The following FRMD6 variants were observed in gnomAD, a reference collection of about 807,000 sequenced individuals.
FRMD6 encodes the protein FERM domain containing 6.
Under a neutral mutation model 73.2 loss-of-function variants are expected in FRMD6, and 37 were observed. That is an observed-to-expected ratio of 0.51 (90% confidence interval 0.39 to 0.66). FRMD6 has a LOEUF of 0.66. Ranked by LOEUF, FRMD6 falls within the 30% of genes least tolerant of loss-of-function variation. FRMD6 has a pLI of 0.00. For synonymous variants in FRMD6, 273 were observed against 282.2 expected (o/e 0.97, Z 0.33); for missense variants, 714 against 780.5 (o/e 0.91, Z 1.02).
the FRMD6 span, among the ~76,000 whole-genome samples, chr14:51,402,273 A>G: frequency 6.6e-6 from 1 of 152,204 alleles, no homozygotes; most frequent in Non-Finnish European, 1.5e-5. Context: ...AAGGTCAGAG[A>G]GACTATCTCT....
the FRMD6 span, among the ~76,000 whole-genome samples, chr14:51,478,848 A>G: frequency 1.3e-5 from 2 of 152,214 alleles, no homozygotes; most frequent in Non-Finnish European, 2.9e-5. Context: ...CCTCCTTTGC[A>G]TTGACAGTTA....
At chr14:51,634,956 GCT>G (rs1197269600) in intron 2 of FRMD6, among the ~76,000 whole-genome samples, 1 of 152,176 alleles carries the variant, frequency 6.6e-6, no homozygotes, top group Non-Finnish European at 1.5e-5. Flanking sequence ...TGGTTGTTAA[GCT>G]GCTGCTTTTT....
intron 1 of FRMD6, among the ~76,000 whole-genome samples, chr14:51,669,838 A>C (rs989394677): frequency 4.6e-5 from 7 of 152,154 alleles, no homozygotes; most frequent in African/African-American, 1.7e-4. Context: ...TTCAGAGGGC[A>C]AAATTAAAAA....
chr14:51,476,159 C>G, the FRMD6 span, among the ~76,000 whole-genome samples: 4 of 152,180 alleles, frequency 2.6e-5, no homozygotes, highest in African/African-American at 9.7e-5. Context: ...CATTCGGAGA[C>G]TCTGGCTCCC....
At chr14:51,517,252 G>T in intron 1 of FRMD6, among the ~76,000 whole-genome samples, 1 of 152,136 alleles carries the variant, frequency 6.6e-6, no homozygotes, top group East Asian at 1.9e-4. Flanking sequence ...AATCCGGTTT[G>T]GTTATTTCCA....
At chr14:51,412,851 A>G in the FRMD6 span, among the ~76,000 whole-genome samples, 1 of 151,700 alleles carries the variant, frequency 6.6e-6, no homozygotes, top group African/African-American at 2.4e-5. Flanking sequence ...GATTCTGTCT[A>G]AAAAAATAAA....
intron 2 of FRMD6, among the ~76,000 whole-genome samples, chr14:51,599,472 A>C (rs568321287): frequency 1.4e-4 from 21 of 152,364 alleles, no homozygotes; most frequent in African/African-American, 4.8e-4. Context: ...CAATTGCAAC[A>C]AAAACAAAAA....
At chr14:51,509,351 A>T (rs1350175371) in intron 1 of FRMD6, among the ~76,000 whole-genome samples, 1 of 152,034 alleles carries the variant, frequency 6.6e-6, no homozygotes, top group African/African-American at 2.4e-5. Flanking sequence ...GTGAAACCCC[A>T]TCTGTACTAA....
chr14:51,438,438 G>A, the FRMD6 span, among the ~76,000 whole-genome samples: 4 of 152,212 alleles, frequency 2.6e-5, no homozygotes, highest in South Asian at 2.1e-4. Context: ...AACTAAATGT[G>A]TACACAAAGG....
the FRMD6 span, among the ~76,000 whole-genome samples, chr14:51,400,992 C>A: frequency 6.6e-6 from 1 of 152,134 alleles, no homozygotes; most frequent in Non-Finnish European, 1.5e-5. Flanking sequence ...ATAATTATTC[C>A]TAGAATTGGA....
the FRMD6 span, among the ~76,000 whole-genome samples, chr14:51,447,749 C>T: frequency 6.6e-6 from 1 of 152,210 alleles, no homozygotes; most frequent in South Asian, 2.1e-4. Flanking sequence ...TCCTCACTCC[C>T]CAGCTGTCTC....
chr14:51,516,014 GAACCCCTGAACA>G (rs1884618244), intron 1 of FRMD6, among the ~76,000 whole-genome samples: 2 of 29,504 alleles, frequency 6.8e-5, no homozygotes, highest in Non-Finnish European at 1.2e-4. Context: ...TGGGTGTTCT[GAACCCCTGAACA>G]TCAGGGCAGT....
intron 1 of FRMD6, among the ~76,000 whole-genome samples, chr14:51,687,863 TTAAGA>T (rs1157262570): frequency 6.6e-6 from 1 of 152,180 alleles, no homozygotes; most frequent in African/African-American, 2.4e-5. Flanking sequence ...TTCTCTATCT[TTAAGA>T]TATTTTTCCA....
chr14:51,654,554 G>A (rs867861990), intron 1 of FRMD6, among the ~76,000 whole-genome samples: 2 of 149,802 alleles, frequency 1.3e-5, no homozygotes. Flanking sequence ...TTTGGATGTT[G>A]CACATTTTGA....
intron 2 of FRMD6, among the ~76,000 whole-genome samples, chr14:51,596,493 T>G (rs1889722218): frequency 6.6e-6 from 1 of 152,204 alleles, no homozygotes; most frequent in African/African-American, 2.4e-5. Flanking sequence ...TGCCTGATTG[T>G]TTCTCTGATA....
At chr14:51,600,239 T>C (rs1415059521) in intron 2 of FRMD6, among the ~76,000 whole-genome samples, 3 of 152,194 alleles carry the variant, frequency 2.0e-5, no homozygotes, top group Non-Finnish European at 2.9e-5. Context: ...ATACGGTCGA[T>C]AGCAAAATAA....
intron 1 of FRMD6, among the ~76,000 whole-genome samples, chr14:51,659,474 A>G (rs1329425667): frequency 6.6e-6 from 1 of 152,204 alleles, no homozygotes; most frequent in African/African-American, 2.4e-5. Flanking sequence ...AAAACCTAGT[A>G]TTTCTCAGTT....
At chr14:51,531,799 C>T (rs1477349500) in intron 1 of FRMD6, among the ~76,000 whole-genome samples, 1 of 152,176 alleles carries the variant, frequency 6.6e-6, no homozygotes, top group East Asian at 1.9e-4. Flanking sequence ...AAATGCCAAT[C>T]AATATTCATA....
the FRMD6 span, among the ~76,000 whole-genome samples, chr14:51,450,444 A>G: frequency 2.6e-5 from 4 of 152,138 alleles, no homozygotes; most frequent in Admixed American, 2.6e-4. Flanking sequence ...TCAGTTCACT[A>G]TTTAAGGAAA....
Sources: gnomAD v4.1 joint callset for allele counts (sites outside exome capture counted in the v4.1 genomes callset) on GRCh38, gnomAD v4.1.1 for gene constraint, MANE v1.5 for transcripts, NCBI Gene and HGNC (gene_info 2026-07-23, HGNC 2026-07-21) for gene names.